LRRC4C: variants seen among roughly 807,000 people sequenced by gnomAD.
LRRC4C encodes the protein leucine-rich repeat-containing protein 4C.
A neutral mutation model predicts 33.6 loss-of-function variants in LRRC4C; 5 were observed. The ratio of observed to expected loss-of-function variants is 0.15; its 90% confidence interval spans 0.08 to 0.31. The LOEUF (loss-of-function observed/expected upper bound fraction) is 0.31, where lower values mean the gene tolerates loss of function less well. LRRC4C is among the 10% of genes least tolerant of loss of function. The pLI, the probability that LRRC4C is intolerant of heterozygous loss-of-function variation, is 1.00. For synonymous variants in LRRC4C, 329 were observed against 302.0 expected, an observed-to-expected ratio of 1.09 and a Z score of -0.93; for missense variants, 560 against 796.7, an observed-to-expected ratio of 0.70 and a Z score of 3.58.
chr11:40,430,220 G>C (rs1490720997), intron 3 of LRRC4C, among the ~76,000 whole-genome samples: 1 of 144,408 alleles, frequency 6.9e-6, no homozygotes, highest in African/African-American at 2.5e-5. Flanking sequence ...TGCAGTAGGG[G>C]GGCACTGATA....
intron 4 of LRRC4C, among the ~76,000 whole-genome samples, chr11:40,299,375 C>T (rs1403949965): frequency 2.6e-5 from 4 of 152,150 alleles, no homozygotes; most frequent in Admixed American, 6.5e-5. Flanking sequence ...CAGATTCCTG[C>T]GTGGACTCTG....
At chr11:41,425,579 C>T (rs1955011563) in intron 1 of LRRC4C, among the ~76,000 whole-genome samples, 1 of 152,126 alleles carries the variant, frequency 6.6e-6, no homozygotes, top group African/African-American at 2.4e-5. Context: ...GCATTTTACA[C>T]ATCAAACAGC....
At chr11:40,466,911 C>T (rs1306120809) in intron 3 of LRRC4C, among the ~76,000 whole-genome samples, 2 of 151,942 alleles carry the variant, frequency 1.3e-5, no homozygotes, top group East Asian at 1.9e-4. Flanking sequence ...GTCTTGATCG[C>T]TCATGTTTAA....
In LRRC4C at chr11:40,664,237, A is replaced by T. The variant is rs34505479; in HGVS notation, c.-406-15959T>A. 3.5e-3 allele frequency among the ~76,000 whole-genome samples: 540 copies of T among 152,264 alleles called. 5 individuals carry two copies. Among genetic ancestry groups the T allele is most frequent in the African/African-American group, 0.013 (522 of 41,552 alleles). Reference sequence around the variant, plus strand: ...TAGCATTTAACTACAAAAAGATTTTAAAAAGTTAAAGAAAAAGAGAATGTG... The same window carrying T: ...TAGCATTTAACTACAAAAAGATTTTTAAAAGTTAAAGAAAAAGAGAATGTG... On this transcript the variant is annotated intron_variant, in intron 2 of 6. Transcript: ENST00000528697.
chr11:41,218,278 A>G (rs1036235413), intron 1 of LRRC4C, among the ~76,000 whole-genome samples: 1 of 152,220 alleles, frequency 6.6e-6, no homozygotes, highest in African/African-American at 2.4e-5. Flanking sequence ...TGTTCAACTT[A>G]CTTTACTTAA....
chr11:40,582,156 T>C (rs1303298011), intron 3 of LRRC4C, among the ~76,000 whole-genome samples: 1 of 152,132 alleles, frequency 6.6e-6, no homozygotes. Flanking sequence ...AAAGTAAAAA[T>C]GTTACTACCA....
chr11:40,658,102 GTTATC>G (rs1943227853), intron 2 of LRRC4C, among the ~76,000 whole-genome samples: 2 of 152,218 alleles, frequency 1.3e-5, no homozygotes, highest in Non-Finnish European at 2.9e-5. Context: ...AATAAAGAAT[GTTATC>G]TTATAGTAAA....
chr11:40,845,628 G>T (rs1180785564), intron 2 of LRRC4C, among the ~76,000 whole-genome samples: 1 of 152,040 alleles, frequency 6.6e-6, no homozygotes, highest in Non-Finnish European at 1.5e-5. Context: ...GTAAATAGTG[G>T]TGCAATAAAC....
At chr11:40,781,328 C>CAT (rs954000286) in intron 2 of LRRC4C, among the ~76,000 whole-genome samples, 1 of 151,974 alleles carries the variant, frequency 6.6e-6, no homozygotes, top group Admixed American at 6.6e-5. Flanking sequence ...CACACACACA[C>CAT]ATATATTTAT....
rs187993724 is a variant in LRRC4C at position 40,160,175 on chromosome 11, A to G, written c.-95-19322T>C. ...AAAAATGGACCAGAGAAGAGTTGCGAAGATTTTTTTTTTTTTGGACAGAGT... is the reference window on the plus strand; with the variant it reads ...AAAAATGGACCAGAGAAGAGTTGCGGAGATTTTTTTTTTTTTGGACAGAGT... On this transcript the variant is annotated intron_variant, in intron 5 of 6. Transcript: ENST00000528697. 6.8e-4 allele frequency among the ~76,000 whole-genome samples: 103 copies of G among 150,372 alleles called. No homozygotes were observed. The Middle Eastern group carries it at 0.014, about 20-fold the overall frequency.
chr11:40,615,238 TTATATATATATATA>T (rs756021420), intron 3 of LRRC4C, among the ~76,000 whole-genome samples: 8 of 88,148 alleles, frequency 9.1e-5, no homozygotes, highest in East Asian at 2.6e-4. Flanking sequence ...TTGATTTATT[TTATATATATATATA>T]TATATATATA....
intron 1 of LRRC4C, among the ~76,000 whole-genome samples, chr11:41,231,053 A>T (rs1947768948): frequency 6.6e-6 from 1 of 152,170 alleles, no homozygotes; most frequent in South Asian, 2.1e-4. Context: ...GCAAATCAAA[A>T]CCACAATGAG....
chr11:40,821,095 T>A (rs931918547), intron 2 of LRRC4C, among the ~76,000 whole-genome samples: 12 of 151,754 alleles, frequency 7.9e-5, no homozygotes, highest in Admixed American at 2.0e-4. Context: ...ATAAATCTGA[T>A]GAAGTTTAAG....
intron 1 of LRRC4C, among the ~76,000 whole-genome samples, chr11:41,105,281 A>G (rs946562024): frequency 2.0e-5 from 3 of 151,978 alleles, no homozygotes; most frequent in African/African-American, 7.2e-5. Flanking sequence ...AAAAACTTCT[A>G]TGCATTATTC....
intron 2 of LRRC4C, among the ~76,000 whole-genome samples, chr11:40,830,878 T>C (rs151226298): frequency 6.6e-6 from 1 of 152,242 alleles, no homozygotes; most frequent in Non-Finnish European, 1.5e-5. Context: ...TGGAGGAAAT[T>C]ATCATGGTTC....
chr11:40,267,497 G>A (rs1942364199), intron 4 of LRRC4C, among the ~76,000 whole-genome samples: 2 of 152,020 alleles, frequency 1.3e-5, no homozygotes, highest in Non-Finnish European at 1.5e-5. Context: ...GACTACAGGC[G>A]CCCGCCACCA....
chr11:41,378,617 G>T (rs757871538), intron 1 of LRRC4C, among the ~76,000 whole-genome samples: 9 of 152,092 alleles, frequency 5.9e-5, no homozygotes, highest in Non-Finnish European at 1.2e-4. Context: ...AGGCCCAAAA[G>T]AATAGAAATT....
intron 2 of LRRC4C, among the ~76,000 whole-genome samples, chr11:40,739,482 A>G (rs1481100169): frequency 7.9e-6 from 1 of 125,870 alleles, no homozygotes; most frequent in Non-Finnish European, 1.9e-5. Flanking sequence ...ACTATATACA[A>G]TTAATATATA....
At chr11:40,323,848 A>G (rs1014082268) in intron 3 of LRRC4C, among the ~76,000 whole-genome samples, 3 of 152,222 alleles carry the variant, frequency 2.0e-5, no homozygotes, top group Non-Finnish European at 4.4e-5. Flanking sequence ...AAAACAATTT[A>G]TGAATTAGGT....
Sources: allele counts gnomAD v4.1 joint callset (sites outside exome capture counted in the v4.1 genomes callset), GRCh38; gene constraint gnomAD v4.1.1; transcripts MANE v1.5; gene names NCBI Gene and HGNC (gene_info 2026-07-23, HGNC 2026-07-21).